The following ITGAE variants were observed in gnomAD, a reference collection of about 807,000 sequenced individuals.
ITGAE encodes integrin alpha-E.
Under a neutral mutation model 136.5 loss-of-function variants are expected in ITGAE, and 99 were observed. The ratio of observed to expected loss-of-function variants is 0.73; its 90% confidence interval spans 0.62 to 0.86. The LOEUF (loss-of-function observed/expected upper bound fraction) is 0.86. ITGAE is among the 40% of genes least tolerant of loss of function. The pLI is 0.00. For synonymous variants in ITGAE, 613 were observed against 591.8 expected (o/e 1.04, Z -0.52); for missense variants, 1,447 against 1,515.3 (o/e 0.95, Z 0.75).
At chr17:3,772,928 C>A (rs554841707) in intron 2 of ITGAE, among the ~76,000 whole-genome samples, 1 of 152,134 alleles carries the variant, frequency 6.6e-6, no homozygotes, top group South Asian at 2.1e-4. Flanking sequence ...AGCAGTCCTT[C>A]GGCAACCAGC....
chr17:3,795,775 G>A (rs532210915), intron 1 of ITGAE, among the ~76,000 whole-genome samples: 70 of 152,098 alleles, frequency 4.6e-4, no homozygotes, highest in African/African-American at 1.6e-3. Flanking sequence ...GTGTACGTGC[G>A]TGTGTGCATG....
intron 17 of ITGAE, among the ~76,000 whole-genome samples, chr17:3,747,617 C>CT (rs1446334194): frequency 9.2e-5 from 14 of 151,962 alleles, no homozygotes; most frequent in Admixed American, 2.6e-4. Context: ...CCTTCTGAGT[C>CT]TTTTTTTTCA....
intron 2 of ITGAE, among the ~76,000 whole-genome samples, chr17:3,776,656 C>T (rs549510653): frequency 2.4e-4 from 36 of 152,192 alleles, no homozygotes; most frequent in Middle Eastern, 6.8e-3. Flanking sequence ...CCTCCGGGCC[C>T]AAGTGGTCCT....
At chr17:3,765,089 C>T (rs932016398) in intron 2 of ITGAE, among the ~76,000 whole-genome samples, 1 of 152,132 alleles carries the variant, frequency 6.6e-6, no homozygotes, top group African/African-American at 2.4e-5. Context: ...GTGGCTCACG[C>T]CTGTAATCCC....
chr17:3,799,564 T>A lies in ITGAE; in HGVS notation c.34+1547A>T, dbSNP rs972650399. On this transcript the variant is annotated intron_variant, in intron 1 of 30. Coordinates refer to ENST00000263087, the MANE Select transcript of ITGAE (RefSeq NM_002208.5). This position sits in a 1 kb window ranked among gnomAD's most constrained non-coding sequence, Gnocchi z 4.1. ...CTGGGCTTGAGCCTCGTGTCTATTA[T>A]CAGTTGCTTGCAAGCCTGGGTAGTC... Among the ~76,000 whole-genome samples the A allele has an allele frequency of 3.3e-5, 5 of 152,030 alleles. No individual in the cohort carries two copies. Among genetic ancestry groups the A allele is most frequent in the Non-Finnish European group, 7.4e-5 (5 of 68,000 alleles).
chr17:3,724,121 T>TCCTGACGATCCCGACGAC (rs759456256), intron 26 of ITGAE: 12 of 1,594,260 alleles, frequency 7.5e-6, no homozygotes, highest in Non-Finnish European at 1.0e-5. Context: ...AGTCCGACGA[T>TCCTGACGATCCCGACGAC]CCTGACGATC....
chr17:3,720,480 A>G, intron 28 of ITGAE, 78 bp from the exon 29 acceptor site: 1 of 707,616 alleles, frequency 1.4e-6, no homozygotes, highest in East Asian at 2.6e-5. Flanking sequence ...AGCCTTCACC[A>G]CCTTTCCCTT....
chr17:3,752,043 C>T (rs573463034), intron 14 of ITGAE, among the ~76,000 whole-genome samples, 169 bp from the exon 15 acceptor site: 1 of 151,848 alleles, frequency 6.6e-6, no homozygotes, highest in South Asian at 2.1e-4. Flanking sequence ...AGGATGCACG[C>T]TCACTGGGCC....
chr17:3,758,552 A>G (rs978619480), intron 8 of ITGAE, among the ~76,000 whole-genome samples: 17 of 152,088 alleles, frequency 1.1e-4, no homozygotes, highest in Admixed American at 1.3e-4. Context: ...CCCGAGTTCA[A>G]GCAATTCTCC....
intron 23 of ITGAE, among the ~76,000 whole-genome samples, chr17:3,730,805 A>C (rs947587609): frequency 2.0e-5 from 3 of 152,230 alleles, no homozygotes; most frequent in East Asian, 3.8e-4. Flanking sequence ...CTTGCAGGTA[A>C]CATAGCTATC....
chr17:3,719,561 T>C (rs1317039889), intron 29 of ITGAE, among the ~76,000 whole-genome samples: 5 of 152,326 alleles, frequency 3.3e-5, no homozygotes, highest in Middle Eastern at 6.8e-3. Context: ...CTTCTAGTCA[T>C]ACTTTTGCAA....
At chr17:3,795,526 T>C (rs534401995) in intron 1 of ITGAE, among the ~76,000 whole-genome samples, 38 of 152,266 alleles carry the variant, frequency 2.5e-4, no homozygotes, top group Non-Finnish European at 4.1e-4. Context: ...CGTCGGAAGA[T>C]TGAATATTTG....
At chr17:3,749,400 C>T (rs944142309) in intron 16 of ITGAE, among the ~76,000 whole-genome samples, 1 of 152,048 alleles carries the variant, frequency 6.6e-6, no homozygotes, top group Non-Finnish European at 1.5e-5. Flanking sequence ...CTATAGGCGC[C>T]CGCCACCATG....
chr17:3,762,809 C>G (rs1354394953), intron 3 of ITGAE, among the ~76,000 whole-genome samples: 1 of 151,810 alleles, frequency 6.6e-6, no homozygotes, highest in Non-Finnish European at 1.5e-5. Context: ...ACCGTGTTAG[C>G]TAGGATGGTC....
intron 29 of ITGAE, chr17:3,717,541 T>G (rs901979084): frequency 1.3e-5 from 2 of 152,162 alleles, no homozygotes; most frequent in Admixed American, 6.6e-5. Context: ...CCCTTCCAAG[T>G]TGTGGCCAGA....
intron 1 of ITGAE, among the ~76,000 whole-genome samples, chr17:3,800,466 T>C (rs2053226839): frequency 6.6e-6 from 1 of 152,150 alleles, no homozygotes; most frequent in Non-Finnish European, 1.5e-5. Flanking sequence ...TGCTGTCTCA[T>C]CACAGGGGGC....
Position 3,761,983 on chromosome 17 carries a change from C to G in ITGAE, c.248-1G>C. ...CTCCCCTTGGGGATGGGGACATGCT[C>G]TGAAAAAGTTAAGCCCAGGTGAGGA... On this transcript the variant is annotated splice_acceptor_variant, in intron 3 of 30. Transcript: ENST00000263087. LOFTEE classifies it high-confidence loss of function. The G allele has an allele frequency of 1.9e-6, 3 of 1,613,604 alleles. No individual in the cohort carries two copies. The highest frequency in any genetic ancestry group is 2.5e-6 in the Non-Finnish European group (3 of 1,179,848).
chr17:3,739,952 T>A, intron 19 of ITGAE, 74 bp from the exon 20 acceptor site: 1 of 1,249,490 alleles, frequency 8.0e-7, no homozygotes, highest in East Asian at 2.3e-5. Flanking sequence ...GCTCTTCTCC[T>A]TATAGGAAGT....
rs1335812227 is a variant in ITGAE, at chr17:3,763,869, C to T, written c.247G>A (p.Glu83Lys). Residue 83 changes from glutamate to lysine, a missense_variant and splice_region_variant, in exon 3 of 31, where the codon GAG (glutamate) becomes AAG (lysine). Around this residue, in one of 3 missense-constraint regions of ITGAE, gnomAD observed 310 missense variants for 416.1 expected, o/e 0.74. Coordinates refer to ENST00000263087, the MANE Select transcript of ITGAE (RefSeq NM_002208.5). ...VQDEILCHPVEHVPIPKGRHR... is the reference protein window; with the variant it reads ...VQDEILCHPVKHVPIPKGRHR... Reference sequence around the variant, plus strand: ...TTCCCTGGAGTTGGGGCTGACTTACCTACAGGATGGCAAAGGATTTCATCC... The same window carrying T: ...TTCCCTGGAGTTGGGGCTGACTTACTTACAGGATGGCAAAGGATTTCATCC... 6.2e-7 allele frequency: 1 copy of T among 1,612,806 alleles called. No individual in the cohort carries two copies.
Sources: allele counts gnomAD v4.1 joint callset (sites outside exome capture counted in the v4.1 genomes callset), GRCh38; gene constraint gnomAD v4.1.1; regional missense constraint gnomAD v4.1.1; non-coding constraint Gnocchi (gnomAD v3.1); transcripts MANE v1.5; gene names NCBI Gene and HGNC (gene_info 2026-07-23, HGNC 2026-07-21).